Variants in CPM observed in about 807,000 individuals in gnomAD.
CPM encodes the protein renal carboxypeptidase.
Under a neutral mutation model 46.4 loss-of-function variants are expected in CPM, and 35 were observed. The ratio of observed to expected loss-of-function variants is 0.75; its 90% CI spans 0.58 to 1.00. CPM has a LOEUF of 1.00. Ranked by LOEUF, CPM falls within the 50% of genes least tolerant of loss-of-function variation. The pLI is 0.00. For missense variants in CPM, 422 were observed against 530.4 expected, an observed-to-expected ratio of 0.80 and a Z score of 2.01; for synonymous variants, 195 against 195.3, an observed-to-expected ratio of 1.00 and a Z score of 0.01.
intron 8 of CPM, among the ~76,000 whole-genome samples, chr12:68,858,147 A>G (rs1252593283): frequency 6.6e-6 from 1 of 152,230 alleles, no homozygotes; most frequent in Admixed American, 6.5e-5. Context: ...TTTTCACTAC[A>G]GAAGAGATGA....
intron 2 of CPM, among the ~76,000 whole-genome samples, chr12:68,899,843 T>C (rs1176722923): frequency 6.6e-6 from 1 of 152,212 alleles, no homozygotes; most frequent in Non-Finnish European, 1.5e-5. Flanking sequence ...TAAGAAGTCA[T>C]GCTTAGGAGA....
At chr12:68,844,328 C>G (rs1465380914) in intron 5 of CPM, 3 of 223,018 alleles carry the variant, frequency 1.3e-5, no homozygotes, top group African/African-American at 6.7e-5. Context: ...TTTAGAAATA[C>G]AAATATCACT....
intron 1 of CPM, among the ~76,000 whole-genome samples, chr12:68,952,451 G>A (rs566131122): frequency 5.9e-5 from 9 of 152,184 alleles, no homozygotes; most frequent in East Asian, 3.9e-4. Flanking sequence ...TCTCCAGGAC[G>A]GGCTACATGA....
chr12:68,957,319 C>T, intron 1 of CPM: 1 of 148,722 alleles, frequency 6.7e-6, no homozygotes. Flanking sequence ...CAGTGATTCT[C>T]AGAAAAAAAA....
At chr12:68,950,440 G>T (rs1382552893) in intron 1 of CPM, among the ~76,000 whole-genome samples, 1 of 152,152 alleles carries the variant, frequency 6.6e-6, no homozygotes, top group Non-Finnish European at 1.5e-5. Context: ...GATTTATATT[G>T]TATCAATTTA....
chr12:68,847,057 C>G (rs528177369), downstream of CPM: 2 of 150,158 alleles, frequency 1.3e-5, no homozygotes, highest in East Asian at 3.9e-4. Context: ...GCAAACATGA[C>G]TCACTGCAGC....
chr12:68,866,867 TAGGGAATTAATAAGA>T lies in CPM; in HGVS notation c.940+14_940+28del. 1 of 1,589,456 alleles carries T rather than the reference TAGGGAATTAATAAGA, an allele frequency of 6.3e-7. No individual in the cohort carries two copies. The highest frequency in any genetic ancestry group is 8.6e-7 in the Non-Finnish European group (1 of 1,161,536). The stretch of plus-strand genomic sequence containing the variant: ...TGCCAGATGCTCTATTTTGTATTAA[TAGGGAATTAATAAGA>T]AAATTTTACAAACCTAGGTGCACCT... On this transcript the variant is annotated intron_variant, in intron 7 of 8. Transcript: ENST00000551568.
chr12:68,878,555 T>A (rs1199352664), intron 3 of CPM, among the ~76,000 whole-genome samples: 3 of 152,112 alleles, frequency 2.0e-5, no homozygotes, highest in Non-Finnish European at 4.4e-5. Flanking sequence ...CACCCTATGA[T>A]TTCGTCTCCG....
intron 2 of CPM, among the ~76,000 whole-genome samples, chr12:68,921,682 G>A (rs987130816): frequency 4.0e-5 from 6 of 151,856 alleles, no homozygotes; most frequent in Admixed American, 3.3e-4. Flanking sequence ...GCATAATTGT[G>A]GTCCCCCAAT....
intron 2 of CPM, among the ~76,000 whole-genome samples, chr12:68,895,991 A>G (rs1353289578): frequency 6.6e-6 from 1 of 152,230 alleles, no homozygotes; most frequent in South Asian, 2.1e-4. Flanking sequence ...TGGCATTGAG[A>G]TGGCACCTGA....
At chr12:68,894,452 C>T (rs1886784959) in intron 2 of CPM, among the ~76,000 whole-genome samples, 1 of 152,186 alleles carries the variant, frequency 6.6e-6, no homozygotes, top group South Asian at 2.1e-4. Context: ...CTGCCCTCCA[C>T]CCGAATTTCC....
intron 3 of CPM, among the ~76,000 whole-genome samples, chr12:68,880,172 T>G (rs1028183988): frequency 2.0e-5 from 3 of 152,034 alleles, no homozygotes; most frequent in Non-Finnish European, 4.4e-5. Context: ...AAATTAAACC[T>G]AGAATTGAGG....
chr12:68,869,233 A>C (rs1885584652), intron 6 of CPM, 92 bp downstream of exon 6: 3 of 1,196,552 alleles, frequency 2.5e-6, no homozygotes, highest in African/African-American at 3.1e-5. Context: ...TTGTGCCTAA[A>C]GTTCTTTTAA....
chr12:68,871,071 T>G (rs1885673040), intron 4 of CPM, among the ~76,000 whole-genome samples: 1 of 152,228 alleles, frequency 6.6e-6, no homozygotes, highest in African/African-American at 2.4e-5. Context: ...TGCATACATA[T>G]GAATGTATAT....
At chr12:68,947,488 T>C (rs1428607307) in intron 1 of CPM, among the ~76,000 whole-genome samples, 1 of 151,610 alleles carries the variant, frequency 6.6e-6, no homozygotes, top group East Asian at 2.0e-4. Context: ...TCCCAGCTAC[T>C]CAGGAGGCTG....
chr12:68,926,887 A>C (rs1302897714), intron 2 of CPM, among the ~76,000 whole-genome samples: 1 of 152,370 alleles, frequency 6.6e-6, no homozygotes, highest in African/African-American at 2.4e-5. Context: ...TACAAAGGAC[A>C]TGAACTCATC....
intron 3 of CPM, among the ~76,000 whole-genome samples, chr12:68,875,217 G>C (rs978852027): frequency 6.6e-6 from 1 of 152,030 alleles, no homozygotes; most frequent in Non-Finnish European, 1.5e-5. Flanking sequence ...CGGGCATGGT[G>C]GTGGGCACCT....
At chr12:68,892,517 G>A (rs1046100824) in intron 2 of CPM, among the ~76,000 whole-genome samples, 9 of 152,298 alleles carry the variant, frequency 5.9e-5, no homozygotes, top group Non-Finnish European at 1.3e-4. Flanking sequence ...GCTGCTAGGT[G>A]TTCTCCCTGC....
intron 3 of CPM, among the ~76,000 whole-genome samples, chr12:68,881,767 C>A (rs1399921805): frequency 6.7e-6 from 1 of 148,810 alleles, no homozygotes; most frequent in Non-Finnish European, 1.5e-5. Context: ...GTCGCCCAGG[C>A]TGGAGTGCAG....
Sources: allele counts gnomAD v4.1 joint callset (sites outside exome capture counted in the v4.1 genomes callset), GRCh38; gene constraint gnomAD v4.1.1; transcripts MANE v1.5; gene names NCBI Gene and HGNC (gene_info 2026-07-23, HGNC 2026-07-21).